Variants in PTPRG observed in about 807,000 individuals in gnomAD.
PTPRG encodes the protein protein tyrosine phosphatase receptor type G, also known as receptor-type tyrosine-protein phosphatase gamma.
A neutral mutation model predicts 165.3 loss-of-function variants in PTPRG; 102 were observed. The ratio of observed to expected loss-of-function variants is 0.62; its 90% CI spans 0.53 to 0.73. PTPRG has a LOEUF of 0.73. Among genes scored for constraint, PTPRG ranks in the 30% least tolerant of loss-of-function variants. The probability of loss-of-function intolerance (pLI) is 0.00; values close to 1 mark genes in which losing one functional copy is unlikely to be tolerated. For missense variants in PTPRG, 1,866 were observed against 1,861.4 expected (o/e 1.00, Z -0.05); for synonymous variants, 675 against 669.5 (o/e 1.01, Z -0.13).
intron 1 of PTPRG, among the ~76,000 whole-genome samples, chr3:61,653,899 T>G (rs28667399): frequency 0.97 from 141,823 of 146,248 alleles, 68,929 homozygotes; most frequent in Non-Finnish European, 1. Flanking sequence ...CGGGGAGCGG[T>G]GGGGGGCGCG....
At chr3:61,645,956 C>T (rs1273428439) in intron 1 of PTPRG, among the ~76,000 whole-genome samples, 5 of 152,140 alleles carry the variant, frequency 3.3e-5, no homozygotes, top group South Asian at 4.1e-4. Context: ...GTATTCATTC[C>T]TATTTCCAGA....
intron 1 of PTPRG, among the ~76,000 whole-genome samples, chr3:61,673,217 C>A (rs1703097265): frequency 6.6e-6 from 1 of 152,094 alleles, no homozygotes; most frequent in Admixed American, 6.6e-5. Flanking sequence ...ATAAGTTGTC[C>A]CTGCATGTAA....
At chr3:61,971,428 A>G (rs1446119033) in intron 2 of PTPRG, among the ~76,000 whole-genome samples, 6 of 152,242 alleles carry the variant, frequency 3.9e-5, no homozygotes, top group African/African-American at 1.2e-4. Context: ...AGGCAATACT[A>G]GGAAATCAGT....
chr3:61,603,722 T>G (rs1417562756), intron 1 of PTPRG, among the ~76,000 whole-genome samples: 1 of 152,194 alleles, frequency 6.6e-6, no homozygotes, highest in East Asian at 1.9e-4. Flanking sequence ...CTTGCCACTT[T>G]GTAGCTTCTG....
chr3:61,787,490 C>T (rs1234341529), intron 2 of PTPRG, among the ~76,000 whole-genome samples: 10 of 152,072 alleles, frequency 6.6e-5, no homozygotes, highest in Non-Finnish European at 1.5e-4. Flanking sequence ...GTAAATATTC[C>T]GAGTGGTATC....
intron 2 of PTPRG, among the ~76,000 whole-genome samples, chr3:61,853,621 C>A (rs139387279): frequency 2.2e-4 from 34 of 152,306 alleles, no homozygotes; most frequent in African/African-American, 7.5e-4. Flanking sequence ...CACAGCTAAG[C>A]CATTGCTACA....
intron 2 of PTPRG, among the ~76,000 whole-genome samples, chr3:61,754,307 A>G (rs898549143): frequency 6.6e-6 from 1 of 152,178 alleles, no homozygotes; most frequent in African/African-American, 2.4e-5. Flanking sequence ...TAAAGGTAAT[A>G]TATATTGGCA....
At chr3:61,905,022 C>T (rs1346922256) in intron 2 of PTPRG, among the ~76,000 whole-genome samples, 1 of 151,734 alleles carries the variant, frequency 6.6e-6, no homozygotes, top group African/African-American at 2.4e-5. Context: ...TTTTTTTCCC[C>T]CAGTCCCTAG....
intron 1 of PTPRG, among the ~76,000 whole-genome samples, chr3:61,615,302 C>T (rs777726824): frequency 9.8e-5 from 15 of 152,322 alleles, no homozygotes; most frequent in East Asian, 1.9e-4. Context: ...AACAGTTTCT[C>T]GGAATTTCCT....
rs532435308 is a variant in PTPRG at position 62,237,498 on chromosome 3, G to A, written c.2375+6187G>A. Among the ~76,000 whole-genome samples, 16 of 152,304 alleles carry A rather than the reference G, an allele frequency of 1.1e-4. No homozygotes were observed. Among genetic ancestry groups the A allele is most frequent in the African/African-American group, 2.4e-4 (10 of 41,570 alleles). ...TCAGCAGGGAGCTCAGGGACTTGAC[G>A]TTGACAGCTGATACTGGCCGATGTG... On this transcript the variant is annotated intron_variant, in intron 14 of 29. Transcript: ENST00000474889. This position sits in a 1 kb window ranked among gnomAD's most constrained non-coding sequence, Gnocchi z 4.5.
chr3:61,809,813 A>G lies in PTPRG; in HGVS notation c.190+60831A>G, dbSNP rs186139687. Among the ~76,000 whole-genome samples the G allele has an allele frequency of 3.0e-4, 45 of 152,340 alleles. 1 individual carries two copies. The highest frequency in any genetic ancestry group is 2.7e-3 in the Admixed American group (42 of 15,298). ...TTAGATTTTATTCACTTGACAGTTG[A>G]GAGCCACGGAAGCTTTTTGAGCGGG... is the stretch of plus-strand genomic sequence containing the variant. On this transcript the variant is annotated intron_variant, in intron 2 of 29. Transcript: ENST00000474889.
At chr3:61,653,633 G>T (rs559261521) in intron 1 of PTPRG, among the ~76,000 whole-genome samples, 9 of 152,118 alleles carry the variant, frequency 5.9e-5, no homozygotes, top group Admixed American at 5.2e-4. Context: ...CTAAATCATT[G>T]CATATGTCTT....
At chr3:61,660,860 G>T (rs1383210505) in intron 1 of PTPRG, among the ~76,000 whole-genome samples, 1 of 152,086 alleles carries the variant, frequency 6.6e-6, no homozygotes, top group Non-Finnish European at 1.5e-5. Context: ...AATTAGCTGG[G>T]CGTGGTGGTG....
At chr3:61,632,649 T>C (rs6798529) in intron 1 of PTPRG, among the ~76,000 whole-genome samples, 3,947 of 152,190 alleles carry the variant, frequency 0.026, 167 homozygotes, top group African/African-American at 0.088. Flanking sequence ...TGGGAGGAAG[T>C]TGTGATAATT....
intron 10 of PTPRG, among the ~76,000 whole-genome samples, chr3:62,199,459 G>A (rs1031242931): frequency 6.6e-6 from 1 of 152,168 alleles, no homozygotes; most frequent in South Asian, 2.1e-4. Context: ...AGCCCCAGCC[G>A]AATGGTGCCC....
At chr3:61,953,186 T>A (rs1209697564) in intron 2 of PTPRG, among the ~76,000 whole-genome samples, 2 of 152,204 alleles carry the variant, frequency 1.3e-5, no homozygotes, top group East Asian at 3.9e-4. Flanking sequence ...TTCTAGCTCC[T>A]GTTTCAGAAG....
intron 2 of PTPRG, among the ~76,000 whole-genome samples, chr3:61,780,079 T>TAAG (rs2034501135): frequency 6.6e-6 from 1 of 152,188 alleles, no homozygotes. Flanking sequence ...AAAGTTGATG[T>TAAG]AAGAAGTTAA....
At chr3:61,632,808 C>T (rs1387654600) in intron 1 of PTPRG, among the ~76,000 whole-genome samples, 1 of 152,116 alleles carries the variant, frequency 6.6e-6, no homozygotes, top group African/African-American at 2.4e-5. Context: ...CCTTCATCCC[C>T]CTCCCCTCCC....
chr3:62,227,645 C>T (rs760397007), intron 13 of PTPRG, among the ~76,000 whole-genome samples: 5 of 152,148 alleles, frequency 3.3e-5, no homozygotes, highest in Non-Finnish European at 7.4e-5. Flanking sequence ...TATGGCTGGC[C>T]TAGTTACTCC....
Sources: allele counts gnomAD v4.1 joint callset (sites outside exome capture counted in the v4.1 genomes callset), GRCh38; gene constraint gnomAD v4.1.1; non-coding constraint Gnocchi (gnomAD v3.1); transcripts MANE v1.5; gene names NCBI Gene and HGNC (gene_info 2026-07-23, HGNC 2026-07-21).